Variants in DENND1A observed in about 807,000 individuals in gnomAD.
DENND1A encodes DENN domain containing 1A.
In DENND1A, 51 loss-of-function variants were observed where a neutral mutation model predicts 113.7. The observed-to-expected ratio is 0.45, with a 90% CI of 0.36 to 0.57. DENND1A has a LOEUF of 0.57. Ranked by LOEUF, DENND1A falls within the 20% of genes least tolerant of loss-of-function variation. The probability of loss-of-function intolerance (pLI) is 0.00; values close to 1 mark genes in which losing one functional copy is unlikely to be tolerated. For synonymous variants in DENND1A, 565 were observed against 570.8 expected, an observed-to-expected ratio of 0.99 and a Z score of 0.14; for missense variants, 1,258 against 1,395.9, an observed-to-expected ratio of 0.90 and a Z score of 1.57.
At chr9:123,708,583 T>G (rs577357862) in intron 5 of DENND1A, among the ~76,000 whole-genome samples, 6 of 152,214 alleles carry the variant, frequency 3.9e-5, no homozygotes, top group Admixed American at 1.3e-4. Context: ...AAATTTTAAG[T>G]AACAACATAT....
At chr9:123,859,057 A>G (rs1844694775) in intron 2 of DENND1A, among the ~76,000 whole-genome samples, 1 of 152,244 alleles carries the variant, frequency 6.6e-6, no homozygotes, top group Admixed American at 6.5e-5. Context: ...GGAAGAATGC[A>G]TAGCAAAAAG....
chr9:123,731,042 G>A (rs2068125756), intron 5 of DENND1A, among the ~76,000 whole-genome samples: 1 of 152,100 alleles, frequency 6.6e-6, no homozygotes, highest in African/African-American at 2.4e-5. Flanking sequence ...TCACTCATAA[G>A]TGGGGGTTGA....
chr9:123,519,733 A>C, intron 13 of DENND1A, among the ~76,000 whole-genome samples: 1 of 152,056 alleles, frequency 6.6e-6, no homozygotes, highest in Non-Finnish European at 1.5e-5. Flanking sequence ...CCTCATATCT[A>C]AGTTAACCTG....
Position 123,744,736 on chromosome 9 carries a change from A to G in DENND1A, c.302+12967T>C, listed in dbSNP as rs118159841. On this transcript the variant is annotated intron_variant, in intron 5 of 23. Coordinates refer to ENST00000394215, the MANE Select transcript of DENND1A (RefSeq NM_001352964.2). ...TATGTGATGTGGTGAGATGTCCACG[A>G]CCACCTTACCAATATTCTTTACTTA... Among the ~76,000 whole-genome samples the G allele has an allele frequency of 1.9e-3, 280 of 147,304 alleles. 5 individuals are homozygous for G. The East Asian group carries it at 0.026, about 14-fold the overall frequency.
intron 8 of DENND1A, among the ~76,000 whole-genome samples, chr9:123,666,190 T>C (rs2063484141): frequency 6.6e-6 from 1 of 152,198 alleles, no homozygotes; most frequent in Non-Finnish European, 1.5e-5. Flanking sequence ...ATGATTAACA[T>C]GGTAAATTTT....
chr9:123,634,123 G>A (rs992994424), intron 9 of DENND1A, among the ~76,000 whole-genome samples: 1 of 152,172 alleles, frequency 6.6e-6, no homozygotes, highest in Non-Finnish European at 1.5e-5. Context: ...AAGTAGCAGA[G>A]ATCTCATCTT....
At chr9:123,617,045 G>A (rs2060686766) in intron 10 of DENND1A, among the ~76,000 whole-genome samples, 2 of 152,222 alleles carry the variant, frequency 1.3e-5, no homozygotes, top group African/African-American at 4.8e-5. Context: ...AATTCACAGA[G>A]GAACCCATGG....
chr9:123,503,712 C>A (rs950331339), intron 13 of DENND1A, among the ~76,000 whole-genome samples: 1 of 152,188 alleles, frequency 6.6e-6, no homozygotes, highest in Admixed American at 6.5e-5. Context: ...TTTTCCCACC[C>A]CTGTAGGCCA....
intron 10 of DENND1A, among the ~76,000 whole-genome samples, chr9:123,624,540 A>G (rs2061111403): frequency 6.6e-6 from 1 of 152,192 alleles, no homozygotes; most frequent in African/African-American, 2.4e-5. Context: ...GTCATATGTC[A>G]GAAAGTTCTT....
chr9:123,553,839 C>T (rs1394409599), intron 13 of DENND1A, among the ~76,000 whole-genome samples: 2 of 152,152 alleles, frequency 1.3e-5, no homozygotes, highest in African/African-American at 2.4e-5. Flanking sequence ...CTCACTGCAA[C>T]CTCTGCCTCC....
intron 1 of DENND1A, among the ~76,000 whole-genome samples, chr9:123,903,380 G>A (rs1009394050): frequency 1.2e-4 from 17 of 144,534 alleles, no homozygotes; most frequent in East Asian, 4.0e-4. Context: ...GAAGATGGCC[G>A]AACAGGAACA....
chr9:123,618,934 A>G (rs761544973), intron 10 of DENND1A, among the ~76,000 whole-genome samples: 1 of 152,116 alleles, frequency 6.6e-6, no homozygotes, highest in Admixed American at 6.6e-5. Context: ...AAAGGCTAAA[A>G]AAGTTTTTTA....
intron 5 of DENND1A, among the ~76,000 whole-genome samples, chr9:123,683,307 T>C (rs1227299806): frequency 7.2e-5 from 11 of 152,152 alleles, no homozygotes; most frequent in Admixed American, 6.6e-4. Context: ...AACAGTCACA[T>C]CAAAAGAAAA....
At chr9:123,638,501 T>C (rs192265914) in intron 9 of DENND1A, among the ~76,000 whole-genome samples, 7 of 152,222 alleles carry the variant, frequency 4.6e-5, no homozygotes, top group African/African-American at 1.7e-4. Flanking sequence ...CAGAATCTCG[T>C]TCTGCCACCC....
At chr9:123,866,784 T>C (rs1169269037) in intron 2 of DENND1A, among the ~76,000 whole-genome samples, 1 of 152,238 alleles carries the variant, frequency 6.6e-6, no homozygotes, top group Non-Finnish European at 1.5e-5. Flanking sequence ...ACTTAAACAA[T>C]GGGCAAACCA....
chr9:123,878,330 T>C (rs1356910706), intron 2 of DENND1A, among the ~76,000 whole-genome samples: 1 of 151,214 alleles, frequency 6.6e-6, no homozygotes, highest in African/African-American at 2.5e-5. Flanking sequence ...ATCATAAGGT[T>C]ATTTTTCTCA....
At chr9:123,461,586 A>G (rs1180268320) in intron 13 of DENND1A, among the ~76,000 whole-genome samples, 1 of 152,216 alleles carries the variant, frequency 6.6e-6, no homozygotes, top group Admixed American at 6.5e-5. Flanking sequence ...GTTGCCAGGA[A>G]GAAGTCTGCT....
chr9:123,408,190 A>T (rs547808610), intron 20 of DENND1A, among the ~76,000 whole-genome samples: 1 of 152,154 alleles, frequency 6.6e-6, no homozygotes, highest in Non-Finnish European at 1.5e-5. Context: ...CTGGAGGCTG[A>T]TGGCTCCTGA....
At chr9:123,452,475 C>T in intron 16 of DENND1A, 128 bp from the exon 17 acceptor site, 1 of 750,234 alleles carries the variant, frequency 1.3e-6, no homozygotes, top group East Asian at 2.7e-5. Context: ...GAGAAATAGG[C>T]CTGGATGATA....
Sources: gnomAD v4.1 joint callset for allele counts (sites outside exome capture counted in the v4.1 genomes callset) on GRCh38, gnomAD v4.1.1 for gene constraint, MANE v1.5 for transcripts, NCBI Gene and HGNC (gene_info 2026-07-23, HGNC 2026-07-21) for gene names.